The following NDUFS4 variants were observed in gnomAD, a reference collection of about 807,000 sequenced individuals.
The protein encoded by NDUFS4 is NADH:ubiquinone oxidoreductase subunit S4, also known as NADH dehydrogenase [ubiquinone] iron-sulfur protein 4, mitochondrial.
In NDUFS4, 28 loss-of-function variants were observed where a neutral mutation model predicts 24.3. The ratio of observed to expected loss-of-function variants is 1.15; its 90% CI spans 0.85 to 1.58. NDUFS4 has a LOEUF of 1.58. Ranked by LOEUF, NDUFS4 falls within the 40% of genes most tolerant of loss-of-function variation. NDUFS4 has a pLI of 0.00. For synonymous variants in NDUFS4, 93 were observed against 69.7 expected (o/e 1.34, Z -1.67); for missense variants, 223 against 207.9 (o/e 1.07, Z -0.45).
intron 1 of NDUFS4, among the ~76,000 whole-genome samples, chr5:53,603,233 G>A (rs757369060): frequency 6.6e-6 from 1 of 152,036 alleles, no homozygotes; most frequent in African/African-American, 2.4e-5. Flanking sequence ...GACGTAAAGC[G>A]CAGCCTGTTG....
At chr5:53,669,424 C>G (rs114781143) in intron 4 of NDUFS4, among the ~76,000 whole-genome samples, 1 of 152,256 alleles carries the variant, frequency 6.6e-6, no homozygotes, top group African/African-American at 2.4e-5. Flanking sequence ...TCATTCTTAT[C>G]CCTGCCTATG....
intron 4 of NDUFS4, among the ~76,000 whole-genome samples, chr5:53,673,765 A>G (rs1006152496): frequency 2.6e-5 from 4 of 152,170 alleles, no homozygotes; most frequent in Admixed American, 2.6e-4. Context: ...GACTGATTCC[A>G]TAGAGAAACT....
At chr5:53,645,357 A>G (rs1751831356) in intron 2 of NDUFS4, among the ~76,000 whole-genome samples, 2 of 152,186 alleles carry the variant, frequency 1.3e-5, no homozygotes, top group South Asian at 4.1e-4. Context: ...AGTAGGATAT[A>G]AATAACTCCC....
intron 2 of NDUFS4, among the ~76,000 whole-genome samples, chr5:53,635,051 G>A (rs1455234296): frequency 2.0e-5 from 3 of 151,698 alleles, no homozygotes; most frequent in East Asian, 3.9e-4. Context: ...TTAGCTAGGC[G>A]AGGTGGCAGG....
chr5:53,588,086 G>A (rs545214355), intron 1 of NDUFS4, among the ~76,000 whole-genome samples: 156 of 152,296 alleles, frequency 1.0e-3, no homozygotes, highest in African/African-American at 3.6e-3. Flanking sequence ...ACCACCACTA[G>A]ATTGTGCAAA....
At chr5:53,643,856 C>T (rs1022463868) in intron 2 of NDUFS4, among the ~76,000 whole-genome samples, 1 of 152,112 alleles carries the variant, frequency 6.6e-6, no homozygotes, top group Non-Finnish European at 1.5e-5. Flanking sequence ...TGTGTCATGA[C>T]AACTTGGGTT....
At chr5:53,570,972 C>T (rs1007982724) in intron 1 of NDUFS4, among the ~76,000 whole-genome samples, 4 of 152,160 alleles carry the variant, frequency 2.6e-5, no homozygotes, top group Non-Finnish European at 5.9e-5. Context: ...GCATGAGCCA[C>T]GGCGCCCGGC....
intron 1 of NDUFS4, among the ~76,000 whole-genome samples, chr5:53,580,809 CTTTCTTTTCT>C (rs1225029209): frequency 3.0e-5 from 4 of 134,644 alleles, no homozygotes; most frequent in Non-Finnish European, 6.3e-5. Flanking sequence ...CTTTCTTTCC[CTTTCTTTTCT>C]TTTCTTCTTT....
intron 3 of NDUFS4, among the ~76,000 whole-genome samples, chr5:53,656,253 A>G (rs1156468596): frequency 6.6e-6 from 1 of 151,918 alleles, no homozygotes; most frequent in South Asian, 2.1e-4. Context: ...GTCTCTGAAA[A>G]TTATTTTTCT....
intron 4 of NDUFS4, among the ~76,000 whole-genome samples, chr5:53,682,830 T>TAATA (rs1359431587): frequency 6.6e-6 from 1 of 152,130 alleles, no homozygotes; most frequent in Non-Finnish European, 1.5e-5. Flanking sequence ...AATTTTTATG[T>TAATA]AATACATAGA....
intron 2 of NDUFS4, among the ~76,000 whole-genome samples, chr5:53,626,732 GTTTT>G (rs921886153): frequency 6.6e-6 from 1 of 151,564 alleles, no homozygotes; most frequent in Non-Finnish European, 1.5e-5. Flanking sequence ...GGGGCTGTTG[GTTTT>G]TTTTCTCATA....
At chr5:53,656,148 A>G (rs1752156090) in intron 3 of NDUFS4, among the ~76,000 whole-genome samples, 1 of 152,008 alleles carries the variant, frequency 6.6e-6, no homozygotes, top group Admixed American at 6.6e-5. Flanking sequence ...AACACCGTAT[A>G]AAGTTGGATC....
intron 2 of NDUFS4, among the ~76,000 whole-genome samples, chr5:53,623,430 A>G (rs1751116381): frequency 6.6e-6 from 1 of 152,114 alleles, no homozygotes; most frequent in Non-Finnish European, 1.5e-5. Flanking sequence ...AGAAATGTCT[A>G]TTCAAGTTCT....
chr5:53,654,023 C>G (rs145444408), intron 3 of NDUFS4, among the ~76,000 whole-genome samples: 11 of 152,114 alleles, frequency 7.2e-5, no homozygotes, highest in Non-Finnish European at 1.6e-4. Flanking sequence ...CTCCTTATAG[C>G]CAATTTCTCT....
At chr5:53,632,960 A>G (rs1261461297) in intron 2 of NDUFS4, among the ~76,000 whole-genome samples, 2 of 152,168 alleles carry the variant, frequency 1.3e-5, no homozygotes, top group African/African-American at 4.8e-5. Context: ...TCTTTATAAA[A>G]CATACCTACT....
chr5:53,606,079 G>A (rs1442679739), intron 2 of NDUFS4, among the ~76,000 whole-genome samples: 2 of 151,378 alleles, frequency 1.3e-5, no homozygotes, highest in Admixed American at 6.6e-5. Context: ...AGCTACTCAG[G>A]AGGCTGAGGC....
intron 4 of NDUFS4, among the ~76,000 whole-genome samples, chr5:53,664,451 G>C (rs1200642682): frequency 6.6e-6 from 1 of 152,096 alleles, no homozygotes; most frequent in African/African-American, 2.4e-5. Context: ...CATTCTCCCC[G>C]TCACTTTCAG....
chr5:53,674,826 CAT>C (rs1172589953), intron 4 of NDUFS4, among the ~76,000 whole-genome samples: 1 of 151,844 alleles, frequency 6.6e-6, no homozygotes, highest in Non-Finnish European at 1.5e-5. Context: ...GATCAGTAAA[CAT>C]GTATAATTAA....
intron 2 of NDUFS4, among the ~76,000 whole-genome samples, chr5:53,618,991 G>A (rs149195741): frequency 1.3e-5 from 2 of 152,000 alleles, no homozygotes; most frequent in African/African-American, 4.8e-5. Context: ...TCACGTGTCT[G>A]TAGTCACAGC....
Sources: gnomAD v4.1 joint callset for allele counts (sites outside exome capture counted in the v4.1 genomes callset) on GRCh38, gnomAD v4.1.1 for gene constraint, MANE v1.5 for transcripts, NCBI Gene and HGNC (gene_info 2026-07-23, HGNC 2026-07-21) for gene names.